The following GARRE1 variants were observed in gnomAD, a reference collection of about 807,000 sequenced individuals.
GARRE1 encodes granule associated Rac and RHOG effector 1, also known as granule associated Rac and RHOG effector protein 1.
GARRE1 carries 49 observed loss-of-function variants against 103.2 expected under a neutral mutation model. The observed-to-expected ratio is 0.47, with a 90% confidence interval of 0.38 to 0.60. The LOEUF (loss-of-function observed/expected upper bound fraction) is 0.60, where lower values mean the gene tolerates loss of function less well. Ranked by LOEUF, GARRE1 falls within the 20% of genes least tolerant of loss-of-function variation. The pLI, the probability that GARRE1 is intolerant of heterozygous loss-of-function variation, is 0.00. For missense variants in GARRE1, 1,199 were observed against 1,370.5 expected (o/e 0.87, Z 1.98); for synonymous variants, 505 against 532.8 (o/e 0.95, Z 0.72).
At chr19:34,334,221 C>T (rs77191701) in intron 8 of GARRE1, among the ~76,000 whole-genome samples, 2,233 of 152,086 alleles carry the variant, frequency 0.015, 24 homozygotes, top group South Asian at 0.026. Flanking sequence ...TGTGACACAC[C>T]CAGTGTCTTT....
At chr19:34,320,230 C>A in intron 3 of GARRE1, 114 bp downstream of exon 3, 1 of 884,908 alleles carries the variant, frequency 1.1e-6, no homozygotes, top group South Asian at 1.6e-5. Context: ...ACATTTTAAA[C>A]TGTTATCATT....
At chr19:34,307,720 A>G (rs982783308) in intron 2 of GARRE1, among the ~76,000 whole-genome samples, 9 of 139,268 alleles carry the variant, frequency 6.5e-5, no homozygotes, top group Non-Finnish European at 1.2e-4. Flanking sequence ...TATATATACT[A>G]TATATACATA....
At chr19:34,263,177 C>T (rs999896085) in intron 1 of GARRE1, among the ~76,000 whole-genome samples, 2 of 152,098 alleles carry the variant, frequency 1.3e-5, no homozygotes, top group Non-Finnish European at 2.9e-5. Context: ...CGTGCCACTG[C>T]ACTCCAGCCT....
chr19:34,328,240 T>TAA, intron 6 of GARRE1, 89 bp downstream of exon 6: 6 of 1,283,934 alleles, frequency 4.7e-6, no homozygotes, highest in South Asian at 1.6e-5. Context: ...GGATGTAGAT[T>TAA]AAAAAAAAAA....
chr19:34,301,905 G>A (rs1431691590), intron 2 of GARRE1, among the ~76,000 whole-genome samples: 4 of 147,172 alleles, frequency 2.7e-5, no homozygotes, highest in East Asian at 2.0e-4. Context: ...GGATGGTCTC[G>A]ATCTCCTGAC....
intron 2 of GARRE1, among the ~76,000 whole-genome samples, chr19:34,304,110 T>A (rs1392751672): frequency 1.3e-5 from 2 of 151,568 alleles, no homozygotes; most frequent in Non-Finnish European, 2.9e-5. Context: ...TTTTTTTTTT[T>A]TAGACAGAGT....
At chr19:34,304,917 G>A (rs902912041) in intron 2 of GARRE1, among the ~76,000 whole-genome samples, 5 of 150,724 alleles carry the variant, frequency 3.3e-5, no homozygotes. Flanking sequence ...TCAGCCTCCC[G>A]AGTAGCTTGG....
At chr19:34,275,214 A>G (rs1017083709) in intron 1 of GARRE1, among the ~76,000 whole-genome samples, 1 of 149,662 alleles carries the variant, frequency 6.7e-6, no homozygotes, top group African/African-American at 2.4e-5. Context: ...GGAATGATTC[A>G]TCTTTATATT....
chr19:34,302,971 C>T (rs1599764175), intron 2 of GARRE1, among the ~76,000 whole-genome samples: 1 of 151,968 alleles, frequency 6.6e-6, no homozygotes, highest in African/African-American at 2.4e-5. Context: ...TGTCAAACTC[C>T]TGAGCTTAGG....
intron 1 of GARRE1, among the ~76,000 whole-genome samples, chr19:34,268,452 T>C (rs2073765967): frequency 6.6e-6 from 1 of 152,142 alleles, no homozygotes; most frequent in Admixed American, 6.5e-5. Context: ...GTAATAGAAT[T>C]CCTTCAAGAG....
rs1157031077 is a variant in GARRE1, at chr19:34,355,206, A to C, written c.*2251A>C. ...GTGACGTCACTAATTGTCACTTTCC[A>C]GTTTGTTTTTCTCTATTAAGGAAGA... On this transcript the variant is annotated 3_prime_UTR_variant, in exon 14 of 14. Coordinates refer to ENST00000299505, the MANE Select transcript of GARRE1 (RefSeq NM_014686.5). 1 of 152,592 alleles carries C rather than the reference A, an allele frequency of 6.6e-6. No homozygotes were observed. The highest frequency in any genetic ancestry group is 2.4e-5 in the African/African-American group (1 of 41,438). The allele number at this position is 152,592 out of a possible 1,614,324, so 9.5% of individuals were successfully genotyped here.
chr19:34,328,126 C>T lies in GARRE1; in HGVS notation c.1079C>T (p.Ala360Val), dbSNP rs747932112. 6.2e-7 allele frequency: 1 copy of T among 1,613,992 alleles called. No homozygotes were observed. The highest frequency in any genetic ancestry group is 1.7e-5 in the Admixed American group (1 of 60,016). ...AAGGGCGTCTCCTTTAATGAGTCGG[C>T]CGCCGACAATCTGAAACTTAAGACG... ...FLKGVSFNES[A>V]ADNLKLKTHT... The change falls in exon 6 of 14, where the codon GCC becomes GTC. Residue 360 changes from alanine to valine, a missense_variant. By Grantham distance (64) the Ala-to-Val change is moderately conservative. Coordinates refer to ENST00000299505, the MANE Select transcript of GARRE1 (RefSeq NM_014686.5).
chr19:34,308,997 A>G (rs1458031024), intron 2 of GARRE1, among the ~76,000 whole-genome samples: 2 of 152,104 alleles, frequency 1.3e-5, no homozygotes, highest in African/African-American at 2.4e-5. Flanking sequence ...AAATGGAGAC[A>G]GGTCATCACG....
chr19:34,307,745 C>CTATAAAA (rs1418560721), intron 2 of GARRE1, among the ~76,000 whole-genome samples: 1,353 of 123,514 alleles, frequency 0.011, 5 homozygotes, highest in Non-Finnish European at 0.019. Context: ...CTTATATATA[C>CTATAAAA]TATATATACA....
In GARRE1 at chr19:34,320,014, C is replaced by T. The variant is rs774750225; in HGVS notation, c.603C>T (p.Ile201=). The change falls in exon 3 of 14, where the codon ATC becomes ATT. Residue 201 remains isoleucine (I), a synonymous_variant. Transcript: ENST00000299505. ...CTCACTCTTGCTTTGCTGAGGTCATCGTGCCAGAAAAAAAGAACAGCGGCA... is the reference window on the plus strand; with the variant it reads ...CTCACTCTTGCTTTGCTGAGGTCATTGTGCCAGAAAAAAAGAACAGCGGCA... The part of the protein sequence containing the change: ...PVAHSCFAEV[I]VPEKKNSGSG... The T allele has an allele frequency of 5.3e-5, 86 of 1,614,016 alleles. No individual in the cohort carries two copies. Among genetic ancestry groups the T allele is most frequent in the East Asian group, 8.9e-5 (4 of 44,888 alleles).
intron 1 of GARRE1, among the ~76,000 whole-genome samples, chr19:34,271,315 C>T (rs969677746): frequency 7.3e-6 from 1 of 136,168 alleles, no homozygotes; most frequent in African/African-American, 2.8e-5. Context: ...GTGGCGTGAT[C>T]TTGGCTCACT....
At chr19:34,263,226 A>C (rs1217726803) in intron 1 of GARRE1, among the ~76,000 whole-genome samples, 2 of 151,380 alleles carry the variant, frequency 1.3e-5, no homozygotes, top group Non-Finnish European at 2.9e-5. Context: ...AAATAAATAA[A>C]TAAAAATAAA....
Position 34,352,962 on chromosome 19 carries a change from GC to G in GARRE1, c.*9del. 1 of 1,426,210 alleles carries G rather than the reference GC, an allele frequency of 7.0e-7. No individual in the cohort carries two copies. Among genetic ancestry groups the G allele is most frequent in the Non-Finnish European group, 9.3e-7 (1 of 1,079,594 alleles). The allele number at this position is 1,426,210 out of a possible 1,614,324, so 88.3% of individuals were successfully genotyped here. Reference sequence around the variant, plus strand: ...CTATCTGCCCCAGTACTGACCCCAGGCCAGCCAGCCTGCCTGCCTGCCTGCC... The same window carrying G: ...CTATCTGCCCCAGTACTGACCCCAGGCAGCCAGCCTGCCTGCCTGCCTGCC... On this transcript the variant is annotated 3_prime_UTR_variant, in exon 14 of 14. Transcript: ENST00000299505.
chr19:34,328,452 C>T (rs1184503095), intron 6 of GARRE1, among the ~76,000 whole-genome samples: 3 of 150,932 alleles, frequency 2.0e-5, no homozygotes, highest in African/African-American at 7.3e-5. Flanking sequence ...TTGCTTGAAC[C>T]CATGAGGTGG....
Sources: allele counts gnomAD v4.1 joint callset (sites outside exome capture counted in the v4.1 genomes callset), GRCh38; gene constraint gnomAD v4.1.1; transcripts MANE v1.5; gene names NCBI Gene and HGNC (gene_info 2026-07-23, HGNC 2026-07-21).